The following MAF variants were observed in gnomAD, a reference collection of about 807,000 sequenced individuals.
MAF encodes transcription factor Maf.
A neutral mutation model predicts 22.0 loss-of-function variants in MAF; 10 were observed. The observed-to-expected ratio is 0.45, with a 90% confidence interval of 0.28 to 0.77. The LOEUF is 0.77. MAF is among the 30% of genes least tolerant of loss of function. The pLI, the probability that MAF is intolerant of heterozygous loss-of-function variation, is 0.12. For synonymous variants in MAF, 337 were observed against 255.8 expected, an observed-to-expected ratio of 1.32 and a Z score of -3.03; for missense variants, 544 against 548.4, an observed-to-expected ratio of 0.99 and a Z score of 0.08.
chr16:79,531,172 A>G, the MAF span, among the ~76,000 whole-genome samples: 1 of 152,226 alleles, frequency 6.6e-6, no homozygotes, highest in Non-Finnish European at 1.5e-5. Flanking sequence ...TTGTATAAGC[A>G]TACCCTTGCC....
chr16:79,574,889 T>C, the MAF span, among the ~76,000 whole-genome samples: 1 of 152,158 alleles, frequency 6.6e-6, no homozygotes, highest in East Asian at 1.9e-4. Context: ...CATGCTGAGT[T>C]GTAAAACTCA....
chr16:79,544,045 T>A, the MAF span, among the ~76,000 whole-genome samples: 3 of 152,156 alleles, frequency 2.0e-5, no homozygotes, highest in Non-Finnish European at 4.4e-5. Flanking sequence ...CCCCCATCTT[T>A]GAATGCTAGA....
chr16:79,476,899 G>C, the MAF span, among the ~76,000 whole-genome samples: 1 of 152,188 alleles, frequency 6.6e-6, no homozygotes, highest in East Asian at 1.9e-4. Flanking sequence ...CTGTGTGCAG[G>C]TCTGAGGAGA....
chr16:79,254,254 C>A, the MAF span, among the ~76,000 whole-genome samples: 6 of 152,042 alleles, frequency 3.9e-5, no homozygotes, highest in Admixed American at 6.5e-5. Flanking sequence ...TCTCTCCCTG[C>A]CTCTTTCTCT....
At chr16:79,518,741 A>G in the MAF span, among the ~76,000 whole-genome samples, 19 of 152,344 alleles carry the variant, frequency 1.2e-4, no homozygotes, top group Middle Eastern at 3.4e-3. Context: ...TCAAGACCTC[A>G]TGGAGAAACC....
chr16:79,366,989 G>C, the MAF span, among the ~76,000 whole-genome samples: 1 of 152,100 alleles, frequency 6.6e-6, no homozygotes, highest in Non-Finnish European at 1.5e-5. Context: ...CATTGTTGTT[G>C]CTCCTAACTC....
chr16:79,219,494 T>A, the MAF span, among the ~76,000 whole-genome samples: 1 of 127,750 alleles, frequency 7.8e-6, no homozygotes, highest in Non-Finnish European at 1.5e-5. Flanking sequence ...GAGCCTAAAG[T>A]GAGCGGACAT....
At chr16:79,204,412 G>A in the MAF span, 1 of 152,030 alleles carries the variant, frequency 6.6e-6, no homozygotes, top group African/African-American at 2.4e-5. Flanking sequence ...TCCCTCGTTA[G>A]GAGTACCCTC....
At chr16:79,249,360 G>A in the MAF span, among the ~76,000 whole-genome samples, 6 of 151,410 alleles carry the variant, frequency 4.0e-5, no homozygotes, top group African/African-American at 7.3e-5. Context: ...TGGAGGTTGT[G>A]GTGAGCCAAG....
chr16:79,309,186 G>C, the MAF span, among the ~76,000 whole-genome samples: 16 of 152,288 alleles, frequency 1.1e-4, no homozygotes, highest in Middle Eastern at 0.01. Flanking sequence ...GAAAAACTGA[G>C]GCTGAAGGGG....
chr16:79,375,552 A>T, the MAF span, among the ~76,000 whole-genome samples: 3 of 152,088 alleles, frequency 2.0e-5, no homozygotes, highest in African/African-American at 2.4e-5. Context: ...GATGATGATG[A>T]CTGTGACAAT....
chr16:79,310,743 T>G, the MAF span, among the ~76,000 whole-genome samples: 5 of 152,300 alleles, frequency 3.3e-5, no homozygotes, highest in Admixed American at 3.3e-4. Flanking sequence ...GGTGGAGTGG[T>G]GTTATCTTTG....
the MAF span, among the ~76,000 whole-genome samples, chr16:79,362,032 C>A: frequency 1.3e-5 from 2 of 152,168 alleles, no homozygotes; most frequent in East Asian, 3.9e-4. Flanking sequence ...AAGGTGGGCT[C>A]TGAAATAAAA....
chr16:79,329,979 A>G, the MAF span, among the ~76,000 whole-genome samples: 7 of 152,220 alleles, frequency 4.6e-5, no homozygotes, highest in African/African-American at 1.4e-4. Flanking sequence ...GCAAAAGACT[A>G]TGGATTAGGA....
the MAF span, among the ~76,000 whole-genome samples, chr16:79,341,165 G>T: frequency 2.6e-5 from 4 of 152,094 alleles, no homozygotes; most frequent in African/African-American, 9.7e-5. Flanking sequence ...ACAGGTTCTG[G>T]GTCTTGTCAA....
chr16:79,561,084 A>C, the MAF span, among the ~76,000 whole-genome samples: 1 of 152,156 alleles, frequency 6.6e-6, no homozygotes, highest in Non-Finnish European at 1.5e-5. Flanking sequence ...CTGTATCTTT[A>C]ACTGGCTCTC....
chr16:79,580,979 C>T (rs1912481769), downstream of MAF, among the ~76,000 whole-genome samples: 1 of 152,112 alleles, frequency 6.6e-6, no homozygotes, highest in South Asian at 2.1e-4. Context: ...AATAGGTCAA[C>T]ACGGGTAAAG....
chr16:79,538,899 G>C, the MAF span, among the ~76,000 whole-genome samples: 1 of 133,344 alleles, frequency 7.5e-6, no homozygotes, highest in Admixed American at 7.3e-5. Context: ...AAGAAAGAAA[G>C]AAAGAAAGAA....
At chr16:79,344,547 T>C in the MAF span, among the ~76,000 whole-genome samples, 56 of 152,206 alleles carry the variant, frequency 3.7e-4, 1 homozygote, top group Non-Finnish European at 1.0e-4. Context: ...TAAAGATAGA[T>C]AGGTTTCCAC....
Sources: gnomAD v4.1 joint callset for allele counts (sites outside exome capture counted in the v4.1 genomes callset) on GRCh38, gnomAD v4.1.1 for gene constraint, MANE v1.5 for transcripts, NCBI Gene and HGNC (gene_info 2026-07-23, HGNC 2026-07-21) for gene names.